The following VCPIP1 variants were observed in gnomAD, a reference collection of about 807,000 sequenced individuals.
VCPIP1 encodes valosin containing protein interacting protein 1.
In VCPIP1, 8 loss-of-function variants were observed where a neutral mutation model predicts 85.0. The ratio of observed to expected loss-of-function variants is 0.09; its 90% CI spans 0.06 to 0.17. The LOEUF is 0.17. Among genes scored for constraint, VCPIP1 ranks in the 10% least tolerant of loss-of-function variants. VCPIP1 has a pLI of 1.00. For synonymous variants in VCPIP1, 543 were observed against 544.5 expected (o/e 1.00, Z 0.04); for missense variants, 1,070 against 1,486.3 (o/e 0.72, Z 4.61).
At chr8:66,657,107 G>A (rs1811108461) in intron 1 of VCPIP1, among the ~76,000 whole-genome samples, 1 of 152,068 alleles carries the variant, frequency 6.6e-6, no homozygotes, top group South Asian at 2.1e-4. Context: ...GTTTCTCCAT[G>A]TTGGCCAGGC....
chr8:66,649,188 A>T (rs1374649415), intron 2 of VCPIP1, among the ~76,000 whole-genome samples: 1 of 151,826 alleles, frequency 6.6e-6, no homozygotes, highest in Non-Finnish European at 1.5e-5. Flanking sequence ...TAATAATAAT[A>T]ATAATAAATT....
rs1397374356 is a variant in VCPIP1 at position 66,633,732 on chromosome 8, C to A, written c.*769G>T. On this transcript the variant is annotated 3_prime_UTR_variant, in exon 3 of 3. Coordinates refer to ENST00000310421, the MANE Select transcript of VCPIP1 (RefSeq NM_025054.5). ...TTCTTTTTCTACCACACTTTGCAAT[C>A]AACTTTTCTGCAAGATTAAAAAAAA... is the stretch of plus-strand genomic sequence containing the variant. The A allele has an allele frequency of 6.6e-6, 1 of 151,586 alleles. No homozygotes were observed. Among genetic ancestry groups the A allele is most frequent in the Non-Finnish European group, 1.5e-5 (1 of 67,904 alleles). The allele number at this position is 151,586 out of a possible 1,614,324, so 9.4% of individuals were successfully genotyped here.
Position 66,665,803 on chromosome 8 carries a change from T to C in VCPIP1, c.1156A>G (p.Lys386Glu). Residue 386 changes from lysine (K) to glutamate (E), a missense_variant, in exon 1 of 3, where the codon AAA becomes GAA. Lys to Glu is a moderately conservative substitution (Grantham distance 56, BLOSUM62 1). Around this residue, in one of 8 missense-constraint regions of VCPIP1, gnomAD observed 83 missense variants for 134.6 expected, o/e 0.62. Transcript: ENST00000310421. The surrounding 1 kb of genome is among the most constrained non-coding windows in gnomAD (Gnocchi z 4.3). ...KAWGVPQDLI[K>E]KYIKLEEDGG... ...TCCTCTTCAAGTTTTATGTACTTTT[T>C]AATAAGGTCCTGAGGCACACCCCAT... 2 of 1,614,216 alleles carry C rather than the reference T, an allele frequency of 1.2e-6. No individual in the cohort carries two copies. The highest frequency in any genetic ancestry group is 1.7e-6 in the Non-Finnish European group (2 of 1,180,056).
intron 2 of VCPIP1, among the ~76,000 whole-genome samples, chr8:66,643,216 G>T (rs778678130): frequency 7.9e-5 from 12 of 152,028 alleles, no homozygotes; most frequent in Non-Finnish European, 1.5e-4. Flanking sequence ...CCAGCTACTT[G>T]GGAGGCTGAG....
intron 1 of VCPIP1, among the ~76,000 whole-genome samples, chr8:66,660,350 T>C (rs1055753571): frequency 6.6e-6 from 1 of 152,146 alleles, no homozygotes; most frequent in African/African-American, 2.4e-5. Flanking sequence ...AAACAAATAA[T>C]TAAACCAACA....
At chr8:66,653,024 C>T (rs1276632841) in intron 1 of VCPIP1, among the ~76,000 whole-genome samples, 1 of 152,214 alleles carries the variant, frequency 6.6e-6, no homozygotes, top group Non-Finnish European at 1.5e-5. Context: ...TCTAATCCCA[C>T]CTCACATTCA....
At position 66,664,303 on chromosome 8, in the gene VCPIP1, G is replaced by C; in HGVS notation, c.2656C>G (p.Gln886Glu). The change falls in exon 1 of 3, where the codon CAG (glutamine) becomes GAG (glutamate). Residue 886 changes from glutamine to glutamate, a missense_variant. Physicochemically the swap from Gln to Glu is conservative, Grantham distance 29. Transcript: ENST00000310421. ...TACATTTCTTTTTCAGCTTGCTCCT[G>C]AAGTTCCTTAGATGACAGTTTACCA... ...VTGKLSSKEL[Q>E]EQAEKEMYSL... is the part of the protein sequence containing the mutation. 6.2e-7 allele frequency: 1 copy of C among 1,604,292 alleles called. No homozygotes were observed. The highest frequency in any genetic ancestry group is 8.5e-7 in the Non-Finnish European group (1 of 1,173,622).
chr8:66,665,199 T>C lies in VCPIP1; in HGVS notation c.1760A>G (p.Asn587Ser), dbSNP rs1167564708. ...KHFWDGKEYD[N>S]LPEAFPITLE... ...AGTAATAGGGAAAGCTTCTGGTAGA[T>C]TGTCATACTCCTTACCATCCCAAAA... Residue 587 changes from asparagine (N) to serine (S), a missense_variant, in exon 1 of 3, where the codon AAT becomes AGT. Physicochemically the swap from Asn to Ser is conservative, Grantham distance 46 (BLOSUM62 1). Transcript: ENST00000310421. This position sits in a 1 kb window ranked among gnomAD's most constrained non-coding sequence, Gnocchi z 4.3. 6 of 1,613,490 alleles carry C rather than the reference T, an allele frequency of 3.7e-6. No individual in the cohort carries two copies. Among genetic ancestry groups the C allele is most frequent in the Non-Finnish European group, 5.1e-6 (6 of 1,179,734 alleles).
intron 1 of VCPIP1, among the ~76,000 whole-genome samples, chr8:66,658,337 GAAAA>G (rs776440765): frequency 9.1e-6 from 1 of 110,276 alleles, no homozygotes. Flanking sequence ...CCATCTTGGG[GAAAA>G]AAAAAAAAAA....
Position 66,666,612 on chromosome 8 carries a change from A to C in VCPIP1, c.347T>G (p.Leu116Arg). The change falls in exon 1 of 3, where the codon CTG becomes CGG. Residue 116 changes from leucine to arginine, a missense_variant. By Grantham distance (102) the Leu-to-Arg change is moderately radical (BLOSUM62 -2). This residue lies in a region of VCPIP1 where 164 missense variants were observed against 158.6 expected (regional missense o/e 1.03). Transcript: ENST00000310421. The surrounding 1 kb of genome is among the most constrained non-coding windows in gnomAD (Gnocchi z 6.3). ...VTGAPKKNTE[L>R]VKVMGLSNYH... ...GTTGGAAAGGCCCATCACCTTTACC[A>C]GTTCCGTGTTCTTCTTGGGTGCCCC... is the stretch of plus-strand genomic sequence containing the variant. 2 of 1,614,110 alleles carry C rather than the reference A, an allele frequency of 1.2e-6. No individual in the cohort carries two copies. The highest frequency in any genetic ancestry group is 8.5e-7 in the Non-Finnish European group (1 of 1,180,022).
In VCPIP1 at chr8:66,628,761, G is replaced by A. The variant is rs1409097439; in HGVS notation, c.*5740C>T. 1 of 152,150 alleles carries A rather than the reference G, an allele frequency of 6.6e-6. No homozygotes were observed. The highest frequency in any genetic ancestry group is 1.9e-4 in the East Asian group (1 of 5,196). 9.4% of individuals were successfully genotyped at this position (152,150 alleles called of 1,614,324 possible). On this transcript the variant is annotated 3_prime_UTR_variant, in exon 3 of 3. Transcript: ENST00000310421. ...GGTAATTATGTTTTAGTTTACATGG[G>A]GCTCATACCCATGTCACTTGTCCCA...
rs1003426962 is a variant in VCPIP1 at position 66,642,696 on chromosome 8, G to A, written c.2798-7324C>T. Among the ~76,000 whole-genome samples, 7 of 152,040 alleles carry A rather than the reference G, an allele frequency of 4.6e-5. No homozygotes were observed. In the South Asian group the frequency reaches 8.3e-4, roughly 18 times the overall value. ...TTGTTGAAAAGACTATTCTTTCCCC[G>A]CTGAATTGTCTCAGCAACACAGTTA... is the stretch of plus-strand genomic sequence containing the variant. On this transcript the variant is annotated intron_variant, in intron 2 of 2. Coordinates refer to ENST00000310421, the MANE Select transcript of VCPIP1 (RefSeq NM_025054.5).
intron 2 of VCPIP1, among the ~76,000 whole-genome samples, chr8:66,646,523 C>T (rs974218500): frequency 1.3e-5 from 2 of 152,010 alleles, no homozygotes; most frequent in African/African-American, 4.8e-5. Context: ...AGGCCAGGCG[C>T]GGTGGTTCAC....
chr8:66,660,816 G>C (rs1811148032), intron 1 of VCPIP1, among the ~76,000 whole-genome samples: 1 of 152,130 alleles, frequency 6.6e-6, no homozygotes, highest in South Asian at 2.1e-4. Flanking sequence ...GGCCGAGGAG[G>C]GCGGATCCCC....
At chr8:66,663,979 T>A (rs1811181762) in intron 1 of VCPIP1, among the ~76,000 whole-genome samples, 1 of 152,218 alleles carries the variant, frequency 6.6e-6, no homozygotes, top group African/African-American at 2.4e-5. Context: ...CAAGTCTGTT[T>A]TTTAAAAAGC....
At chr8:66,653,729 T>C (rs949943157) in intron 1 of VCPIP1, among the ~76,000 whole-genome samples, 1 of 152,210 alleles carries the variant, frequency 6.6e-6, no homozygotes. Context: ...ACTGCAGTGT[T>C]TGTCAACCTT....
chr8:66,656,151 T>C (rs533060109), intron 1 of VCPIP1, among the ~76,000 whole-genome samples: 3 of 152,136 alleles, frequency 2.0e-5, no homozygotes, highest in Non-Finnish European at 4.4e-5. Flanking sequence ...AAAGTCAACA[T>C]CAAAAAAAGT....
Position 66,634,637 on chromosome 8 carries a change from C to T in VCPIP1, c.3533G>A (p.Cys1178Tyr). 4 of 1,614,208 alleles carry T rather than the reference C, an allele frequency of 2.5e-6. No individual in the cohort carries two copies. The highest frequency in any genetic ancestry group is 1.7e-5 in the Admixed American group (1 of 60,024). ...GGCTGCTCCCAGTGCATCTGCTACA[C>T]AGCCATCAGTTGTTTCTGTATTCAA... Reference protein sequence around the residue: ...ENLNTETTDGCVADALGAAFA... With the variant: ...ENLNTETTDGYVADALGAAFA... The change falls in exon 3 of 3, where the codon TGT (cysteine) becomes TAT (tyrosine). Residue 1178 changes from cysteine to tyrosine, a missense_variant. Cys to Tyr is a radical substitution (Grantham distance 194). This residue lies in a region of VCPIP1 where 255 missense variants were observed against 289.5 expected (regional missense o/e 0.88). Transcript: ENST00000310421.
At chr8:66,637,041 T>C (rs1202743214) in intron 2 of VCPIP1, among the ~76,000 whole-genome samples, 7 of 152,180 alleles carry the variant, frequency 4.6e-5, no homozygotes, top group Admixed American at 4.6e-4. Flanking sequence ...TGCACGTTTA[T>C]ATTGTTATTA....
Sources: allele counts gnomAD v4.1 joint callset (sites outside exome capture counted in the v4.1 genomes callset), GRCh38; gene constraint gnomAD v4.1.1; regional missense constraint gnomAD v4.1.1; non-coding constraint Gnocchi (gnomAD v3.1); transcripts MANE v1.5; gene names NCBI Gene and HGNC (gene_info 2026-07-23, HGNC 2026-07-21).